The following DNAJC21 variants were observed in gnomAD, a reference collection of about 807,000 sequenced individuals.
DNAJC21 encodes dnaJ homolog subfamily C member 21.
In DNAJC21, 63 loss-of-function variants were observed where a neutral mutation model predicts 72.4. The ratio of observed to expected loss-of-function variants is 0.87; its 90% CI spans 0.71 to 1.07. The LOEUF is 1.07. Among genes scored for constraint, DNAJC21 ranks in the 50% least tolerant of loss-of-function variants. The pLI, the probability that DNAJC21 is intolerant of heterozygous loss-of-function variation, is 0.00. For missense variants in DNAJC21, 634 were observed against 644.8 expected, an observed-to-expected ratio of 0.98 and a Z score of 0.18; for synonymous variants, 203 against 216.7, an observed-to-expected ratio of 0.94 and a Z score of 0.56.
chr5:34,938,858 A>G lies in DNAJC21; in HGVS notation c.744A>G (p.Lys248=), dbSNP rs777452108. Residue 248 remains lysine (K), a splice_region_variant and synonymous_variant, in exon 6 of 12, where the codon AAA becomes AAG. Coordinates refer to ENST00000648817, the MANE Select transcript of DNAJC21 (RefSeq NM_001012339.3). ...GTGAGACTGTGCTGTATGTGTCTAGACTGGTGGAGCAGTACAGAGAACAGA... is the reference window on the plus strand; with the variant it reads ...GTGAGACTGTGCTGTATGTGTCTAGGCTGGTGGAGCAGTACAGAGAACAGA... ...MRRQQKLKQA[K]LVEQYREQSW... The G allele has an allele frequency of 1.9e-6, 3 of 1,610,026 alleles. No homozygotes were observed. Among genetic ancestry groups the G allele is most frequent in the African/African-American group, 2.7e-5 (2 of 74,628 alleles).
intron 1 of DNAJC21, among the ~76,000 whole-genome samples, chr5:34,930,644 G>A (rs1204377704): frequency 2.6e-5 from 4 of 152,148 alleles, no homozygotes; most frequent in Non-Finnish European, 4.4e-5. Context: ...TGATCTTCCA[G>A]GCTGGGAAAC....
chr5:34,947,952 A>C (rs145391808), intron 9 of DNAJC21, among the ~76,000 whole-genome samples: 1 of 152,150 alleles, frequency 6.6e-6, no homozygotes, highest in African/African-American at 2.4e-5. Context: ...ATCCTGTGCT[A>C]TTGGGATTTT....
At chr5:34,945,826 A>C in intron 9 of DNAJC21, 23 bp downstream of exon 9, 1 of 1,526,750 alleles carries the variant, frequency 6.5e-7, no homozygotes, top group Non-Finnish European at 8.9e-7. Flanking sequence ...GGTTTTGTTA[A>C]CATTAAATGC....
rs147371433 is a variant in DNAJC21 at position 34,945,802 on chromosome 5, A to G, written c.1184A>G (p.Gln395Arg). 1.6e-5 allele frequency: 25 copies of G among 1,580,762 alleles called. No homozygotes were observed. Among genetic ancestry groups the G allele is most frequent in the Middle Eastern group, 1.7e-4 (1 of 5,930 alleles). Residue 395 changes from glutamine (Q) to arginine (R), a missense_variant and splice_region_variant, in exon 9 of 12, where the codon CAG becomes CGG. Transcript: ENST00000648817. ...AAGAAAAAGAAACAGAAACCAGCAC[A>G]GGTATGTTAGAAAGGTTTTGTTAAC... is the stretch of plus-strand genomic sequence containing the variant. ...KQKKKKQKPAQNYDDNFNVNG... is the reference protein window; with the variant it reads ...KQKKKKQKPARNYDDNFNVNG...
At chr5:34,944,770 A>G in intron 7 of DNAJC21, 97 bp from the exon 8 acceptor site, 1 of 1,538,208 alleles carries the variant, frequency 6.5e-7, no homozygotes, top group Non-Finnish European at 8.8e-7. Flanking sequence ...TTAGTGGGAA[A>G]AAAGCTAATT....
Position 34,958,162 on chromosome 5 carries a change from A to T in DNAJC21, c.*3448A>T, listed in dbSNP as rs1765589363. On this transcript the variant is annotated 3_prime_UTR_variant, in exon 12 of 12. Coordinates refer to ENST00000648817, the MANE Select transcript of DNAJC21 (RefSeq NM_001012339.3). ...AAATGTGTTACATGGGAAGAAAAAG[A>T]TTAAGAAAAAGCAAGATAATTTTGA... 1 of 152,280 alleles carries T rather than the reference A, an allele frequency of 6.6e-6. No homozygotes were observed. The highest frequency in any genetic ancestry group is 6.5e-5 in the Admixed American group (1 of 15,292). The allele number at this position is 152,280 out of a possible 1,614,324, so 9.4% of individuals were successfully genotyped here. A position where few individuals can be genotyped will look rare whatever the true frequency, so the allele number is the denominator to read the frequency against.
At chr5:34,937,232 G>A (rs1054399969) in intron 4 of DNAJC21, 94 bp from the exon 5 acceptor site, 97 of 1,316,392 alleles carry the variant, frequency 7.4e-5, no homozygotes, top group Non-Finnish European at 9.9e-5. Flanking sequence ...CATGAAAAAA[G>A]AAAGGTAAAA....
chr5:34,953,910 A>G lies in DNAJC21; in HGVS notation c.1359-16A>G. Reference sequence around the variant, plus strand: ...GTATGTTATTTTTGGATTATGCTGAATTATTTATTTTCCAGTGTTCCTAAA... The same window carrying G: ...GTATGTTATTTTTGGATTATGCTGAGTTATTTATTTTCCAGTGTTCCTAAA... On this transcript the variant is annotated splice_polypyrimidine_tract_variant and intron_variant, in intron 10 of 11. Transcript: ENST00000648817. The G allele has an allele frequency of 6.2e-7, 1 of 1,601,326 alleles. No homozygotes were observed. Among genetic ancestry groups the G allele is most frequent in the South Asian group, 1.1e-5 (1 of 89,206 alleles).
In DNAJC21 at chr5:34,937,554, C is replaced by T. The variant is rs1400425329; in HGVS notation, c.667C>T (p.Leu223Phe). 1 of 1,613,984 alleles carries T rather than the reference C, an allele frequency of 6.2e-7. No homozygotes were observed. Residue 223 changes from leucine to phenylalanine, a missense_variant, in exon 5 of 12, where the codon CTT becomes TTT. Coordinates refer to ENST00000648817, the MANE Select transcript of DNAJC21 (RefSeq NM_001012339.3). ...RDKRVQAHRK[L>F]VEEQNAEKAR... ...TAAAAGAGTGCAGGCGCATCGAAAACTTGTGGAAGAACAGAATGCAGAGAA... is the reference window on the plus strand; with the variant it reads ...TAAAAGAGTGCAGGCGCATCGAAAATTTGTGGAAGAACAGAATGCAGAGAA...
chr5:34,937,533 A>C lies in DNAJC21; in HGVS notation c.646A>C (p.Arg216=), dbSNP rs1764824092. ...AGCTTTCATTCGTAAAAGAGATAAA[A>C]GAGTGCAGGCGCATCGAAAACTTGT... ...LVAFIRKRDK[R]VQAHRKLVEE... The change falls in exon 5 of 12, where the codon AGA becomes CGA. Residue 216 remains arginine, a synonymous_variant. Transcript: ENST00000648817. 6.2e-7 allele frequency: 1 copy of C among 1,614,118 alleles called. No homozygotes were observed. Among genetic ancestry groups the C allele is most frequent in the Non-Finnish European group, 8.5e-7 (1 of 1,179,944 alleles).
Position 34,958,893 on chromosome 5 carries a change from A to G in DNAJC21, c.*4179A>G, listed in dbSNP as rs1765607254. 6.6e-6 allele frequency: 1 copy of G among 152,354 alleles called. No homozygotes were observed. The highest frequency in any genetic ancestry group is 6.5e-5 in the Admixed American group (1 of 15,298). 9.4% of individuals were successfully genotyped at this position (152,354 alleles called of 1,614,324 possible). ...ACTATTTTTCAAAACAAAAAATGAG[A>G]AGAGTGGTATTGTTTTACATTTTTA... On this transcript the variant is annotated 3_prime_UTR_variant, in exon 12 of 12. Coordinates refer to ENST00000648817, the MANE Select transcript of DNAJC21 (RefSeq NM_001012339.3).
chr5:34,947,966 A>G (rs1421063831), intron 9 of DNAJC21, among the ~76,000 whole-genome samples: 2 of 152,212 alleles, frequency 1.3e-5, no homozygotes, highest in African/African-American at 4.8e-5. Context: ...GGATTTTTAT[A>G]GAAATTATAT....
rs767715418 is a variant in DNAJC21 at position 34,954,684 on chromosome 5, A to G, written c.1566A>G (p.Gln522=). The change falls in exon 12 of 12, where the codon CAA becomes CAG. Residue 522 remains glutamine (Q), a synonymous_variant. Transcript: ENST00000648817. ...SSSLNSATSS[Q]SKKEKRKNR ...CTTTAAACAGCGCAACAAGTAGTCA[A>G]AGCAAGAAAGAGAAACGTAAAAACA... 5 of 1,610,180 alleles carry G rather than the reference A, an allele frequency of 3.1e-6. No individual in the cohort carries two copies. In the South Asian group the frequency reaches 3.3e-5, roughly 11 times the overall value.
chr5:34,949,567 C>A (rs763109490), intron 9 of DNAJC21: 1 of 1,562,184 alleles, frequency 6.4e-7, no homozygotes, highest in South Asian at 1.2e-5. Flanking sequence ...AGATTCATAT[C>A]TGCCTGCAGC....
At chr5:34,950,117 CTAG>C in intron 9 of DNAJC21, 50 bp from the exon 10 acceptor site, 1 of 1,517,332 alleles carries the variant, frequency 6.6e-7, no homozygotes, top group Non-Finnish European at 8.8e-7. Flanking sequence ...ACATAAAAAG[CTAG>C]TAGTAGTATT....
rs1765124888 is a variant in DNAJC21, at chr5:34,944,965, T to C, written c.1082T>C (p.Ile361Thr). Residue 361 changes from isoleucine (I) to threonine (T), a missense_variant, in exon 8 of 12, where the codon ATT becomes ACT. Coordinates refer to ENST00000648817, the MANE Select transcript of DNAJC21 (RefSeq NM_001012339.3). ...GAAGAAAATTTTTCAAGACCTCAAA[T>C]TGATGAAAATCCATTAGATGACAAT... ...EEEENFSRPQ[I>T]DENPLDDNSE... 1 of 1,614,134 alleles carries C rather than the reference T, an allele frequency of 6.2e-7. No homozygotes were observed. The highest frequency in any genetic ancestry group is 8.5e-7 in the Non-Finnish European group (1 of 1,180,018).
In DNAJC21 at chr5:34,955,670, T is replaced by C. The variant is rs900987375; in HGVS notation, c.*956T>C. 1 of 152,188 alleles carries C rather than the reference T, an allele frequency of 6.6e-6. No homozygotes were observed. The highest frequency in any genetic ancestry group is 1.5e-5 in the Non-Finnish European group (1 of 68,034). The allele number at this position is 152,188 out of a possible 1,614,324, so 9.4% of individuals were successfully genotyped here. A position where few individuals can be genotyped will look rare whatever the true frequency, so the allele number is the denominator to read the frequency against. ...TTAACACAAAGGAAATATGGAGAAC[T>C]GTTATAACTGAGTGTTAGAACAGTC... On this transcript the variant is annotated 3_prime_UTR_variant, in exon 12 of 12. Coordinates refer to ENST00000648817, the MANE Select transcript of DNAJC21 (RefSeq NM_001012339.3).
At chr5:34,930,201 C>A (rs1764539267) in intron 1 of DNAJC21, 1 of 221,932 alleles carries the variant, frequency 4.5e-6, no homozygotes, top group Non-Finnish European at 8.9e-6. Flanking sequence ...TCACTTGCTC[C>A]CGCTACCGGG....
intron 9 of DNAJC21, among the ~76,000 whole-genome samples, chr5:34,948,742 G>A (rs1453909852): frequency 2.0e-5 from 3 of 152,062 alleles, no homozygotes; most frequent in African/African-American, 7.2e-5. Context: ...CCATGCGCCT[G>A]TAATTCCAGC....
Sources: allele counts gnomAD v4.1 joint callset (sites outside exome capture counted in the v4.1 genomes callset), GRCh38; gene constraint gnomAD v4.1.1; transcripts MANE v1.5; gene names NCBI Gene and HGNC (gene_info 2026-07-23, HGNC 2026-07-21).